The following SPTLC2 variants were observed in gnomAD, a reference collection of about 807,000 sequenced individuals.
SPTLC2 encodes serine palmitoyltransferase 2.
A neutral mutation model predicts 62.0 loss-of-function variants in SPTLC2; 21 were observed. The ratio of observed to expected loss-of-function variants is 0.34; its 90% CI spans 0.24 to 0.49. SPTLC2 has a LOEUF of 0.49. Ranked by LOEUF, SPTLC2 falls within the 20% of genes least tolerant of loss-of-function variation. The pLI, the probability that SPTLC2 is intolerant of heterozygous loss-of-function variation, is 0.99. For missense variants in SPTLC2, 511 were observed against 713.0 expected (o/e 0.72, Z 3.23); for synonymous variants, 261 against 261.8 (o/e 1.00, Z 0.03).
intron 1 of SPTLC2, among the ~76,000 whole-genome samples, chr14:77,598,987 G>A (rs2079863262): frequency 6.6e-6 from 1 of 151,784 alleles, no homozygotes; most frequent in Non-Finnish European, 1.5e-5. Flanking sequence ...CCAAAACAAG[G>A]GGAAAAATTG....
intron 7 of SPTLC2, among the ~76,000 whole-genome samples, chr14:77,555,831 C>A (rs2140020953): frequency 6.6e-6 from 1 of 152,144 alleles, no homozygotes; most frequent in South Asian, 2.1e-4. Flanking sequence ...GTTTCCCAGG[C>A]TAGTCTCGAA....
intron 2 of SPTLC2, among the ~76,000 whole-genome samples, chr14:77,585,317 C>A (rs1263992251): frequency 6.6e-6 from 1 of 152,142 alleles, no homozygotes; most frequent in South Asian, 2.1e-4. Context: ...AATTTAAATT[C>A]TTTGTCCAAG....
At chr14:77,522,791 G>A (rs1326421575) in intron 9 of SPTLC2, among the ~76,000 whole-genome samples, 1 of 152,296 alleles carries the variant, frequency 6.6e-6, no homozygotes, top group East Asian at 1.9e-4. Context: ...TTCATATATA[G>A]ATTATAAAAT....
chr14:77,520,407 T>C (rs932138424), intron 10 of SPTLC2, among the ~76,000 whole-genome samples: 1 of 152,216 alleles, frequency 6.6e-6, no homozygotes, highest in Non-Finnish European at 1.5e-5. Context: ...TTCATTTCAG[T>C]AAACATTTAC....
At chr14:77,604,614 T>C (rs1443297931) in intron 1 of SPTLC2, among the ~76,000 whole-genome samples, 1 of 152,164 alleles carries the variant, frequency 6.6e-6, no homozygotes, top group African/African-American at 2.4e-5. Flanking sequence ...ACACCTGTAA[T>C]ACTAGCACTT....
chr14:77,524,439 T>TA (rs58888508), intron 9 of SPTLC2, among the ~76,000 whole-genome samples: 2,087 of 133,910 alleles, frequency 0.016, 21 homozygotes, highest in African/African-American at 0.033. Flanking sequence ...TAGCCTCTGT[T>TA]AAAAAAAAAA....
At chr14:77,612,095 C>G (rs888912612) in intron 1 of SPTLC2, among the ~76,000 whole-genome samples, 2 of 152,154 alleles carry the variant, frequency 1.3e-5, no homozygotes, top group Admixed American at 6.6e-5. Flanking sequence ...CAGAAGGGAA[C>G]TGACTTTGAG....
chr14:77,536,290 T>A (rs1423539756), intron 9 of SPTLC2, among the ~76,000 whole-genome samples: 2 of 151,994 alleles, frequency 1.3e-5, no homozygotes, highest in African/African-American at 4.8e-5. Context: ...TTTTGTTATA[T>A]ATATTTACCA....
Position 77,616,526 on chromosome 14 carries a change from G to C in SPTLC2, c.54C>G (p.Gly18=), listed in dbSNP as rs1343771130. Reference sequence around the variant, plus strand: ...TCCGTACTTCCCCGTTCGCCACGCAGCCATTCGCCCGCACCGTGCGGCGGC... The same window carrying C: ...TCCGTACTTCCCCGTTCGCCACGCACCCATTCGCCCGCACCGTGCGGCGGC... ...CCCRRTVRAN[G]CVANGEVRNG... is the part of the protein sequence containing the mutation. The change falls in exon 1 of 12, where the codon GGC becomes GGG. Residue 18 remains glycine (G), a synonymous_variant. Coordinates refer to ENST00000216484, the MANE Select transcript of SPTLC2 (RefSeq NM_004863.4). 4 of 1,535,088 alleles carry C rather than the reference G, an allele frequency of 2.6e-6. No homozygotes were observed. The highest frequency in any genetic ancestry group is 1.7e-6 in the Non-Finnish European group (2 of 1,146,258).
At chr14:77,578,766 G>T in intron 3 of SPTLC2, 189 bp downstream of exon 3, 1 of 564,442 alleles carries the variant, frequency 1.8e-6, no homozygotes, top group South Asian at 2.1e-5. Flanking sequence ...ATCCAACACA[G>T]TATCAAATGT....
At chr14:77,609,630 G>A (rs551016198) in intron 1 of SPTLC2, among the ~76,000 whole-genome samples, 8 of 152,220 alleles carry the variant, frequency 5.3e-5, no homozygotes, top group African/African-American at 7.2e-5. Flanking sequence ...CCAGCTACTC[G>A]GAAGGCGGAG....
chr14:77,583,357 T>C (rs2079763879), intron 2 of SPTLC2, among the ~76,000 whole-genome samples: 2 of 151,648 alleles, frequency 1.3e-5, no homozygotes, highest in South Asian at 4.2e-4. Context: ...GCAATGGGAG[T>C]GTATTTCCAA....
chr14:77,610,992 CA>C (rs61504970), intron 1 of SPTLC2, among the ~76,000 whole-genome samples: 38 of 106,858 alleles, frequency 3.6e-4, no homozygotes, highest in East Asian at 2.4e-3. Flanking sequence ...CCCATCTCTA[CA>C]AAAAAAAAAA....
intron 1 of SPTLC2, among the ~76,000 whole-genome samples, chr14:77,607,642 T>A (rs1304914055): frequency 6.6e-6 from 1 of 152,226 alleles, no homozygotes; most frequent in African/African-American, 2.4e-5. Context: ...TTACTGCAAA[T>A]TCATCTTCCA....
At chr14:77,605,389 A>T (rs898324188) in intron 1 of SPTLC2, among the ~76,000 whole-genome samples, 4 of 152,216 alleles carry the variant, frequency 2.6e-5, no homozygotes, top group Non-Finnish European at 1.5e-5. Flanking sequence ...TAGCTTTAAT[A>T]GAGAGAGGCA....
intron 9 of SPTLC2, among the ~76,000 whole-genome samples, chr14:77,527,005 A>G (rs1325022928): frequency 1.3e-5 from 2 of 152,002 alleles, no homozygotes; most frequent in Non-Finnish European, 2.9e-5. Flanking sequence ...CATGTTAGGC[A>G]GGATGATGTC....
chr14:77,541,494 A>G (rs1026179592), intron 9 of SPTLC2, among the ~76,000 whole-genome samples: 1 of 152,210 alleles, frequency 6.6e-6, no homozygotes, highest in African/African-American at 2.4e-5. Flanking sequence ...GTGCACACAG[A>G]CTGGATGATC....
chr14:77,604,783 C>T (rs561234826), intron 1 of SPTLC2, among the ~76,000 whole-genome samples: 1 of 148,962 alleles, frequency 6.7e-6, no homozygotes, highest in East Asian at 2.0e-4. Context: ...AGGAGAATTG[C>T]TTGAACCTGG....
intron 2 of SPTLC2, among the ~76,000 whole-genome samples, chr14:77,589,298 G>A (rs1426471022): frequency 6.6e-6 from 1 of 151,854 alleles, no homozygotes; most frequent in Non-Finnish European, 1.5e-5. Flanking sequence ...TTTCTATGCT[G>A]TCCATGAAAG....
Sources: gnomAD v4.1 joint callset for allele counts (sites outside exome capture counted in the v4.1 genomes callset) on GRCh38, gnomAD v4.1.1 for gene constraint, MANE v1.5 for transcripts, NCBI Gene and HGNC (gene_info 2026-07-23, HGNC 2026-07-21) for gene names.